NOPCHAP1: variants seen among roughly 807,000 people sequenced by gnomAD.
NOPCHAP1 encodes DNA damage-sensitive RNA 1.
A neutral mutation model predicts 14.0 loss-of-function variants in NOPCHAP1; 13 were observed. That is an observed-to-expected ratio of 0.93 (90% confidence interval 0.60 to 1.47). The LOEUF is 1.47. Ranked by LOEUF, NOPCHAP1 falls within the 40% of genes most tolerant of loss-of-function variation. The pLI is 0.00. For synonymous variants in NOPCHAP1, 78 were observed against 78.4 expected, an observed-to-expected ratio of 1.00 and a Z score of 0.03; for missense variants, 230 against 226.9, an observed-to-expected ratio of 1.01 and a Z score of -0.09.
In NOPCHAP1 at chr12:105,005,752, A is replaced by G. The variant is rs1045188194; in HGVS notation, c.*11056A>G. The stretch of plus-strand genomic sequence containing the variant: ...CTTAAGTTCCCTGCCTCCAGGCCCT[A>G]TTCTCCTGGCTCAGTTTCTCTAAAA... On this transcript the variant is annotated 3_prime_UTR_variant, in exon 4 of 4. Coordinates refer to ENST00000552951, the MANE Select transcript of NOPCHAP1 (RefSeq NM_152318.3). The G allele has an allele frequency of 6.6e-6, 1 of 152,210 alleles. No individual in the cohort carries two copies. The highest frequency in any genetic ancestry group is 2.4e-5 in the African/African-American group (1 of 41,442). The allele number at this position is 152,210 out of a possible 1,614,324, so 9.4% of individuals were successfully genotyped here.
intron 2 of NOPCHAP1, among the ~76,000 whole-genome samples, chr12:104,991,231 AAG>A (rs1873367228): frequency 1.3e-5 from 2 of 152,330 alleles, no homozygotes; most frequent in African/African-American, 4.8e-5. Flanking sequence ...AAGAGTGACT[AAG>A]AGTGACACAA....
In NOPCHAP1 at chr12:104,997,351, A is replaced by G. The variant is rs1033819112; in HGVS notation, c.*2655A>G. On this transcript the variant is annotated 3_prime_UTR_variant, in exon 4 of 4. Coordinates refer to ENST00000552951, the MANE Select transcript of NOPCHAP1 (RefSeq NM_152318.3). ...TATTTCTCCTTTGCTTATGAAGCTTAGTTTAGTCAGATATGAATTCTTGGT... is the reference window on the plus strand; with the variant it reads ...TATTTCTCCTTTGCTTATGAAGCTTGGTTTAGTCAGATATGAATTCTTGGT... 1 of 152,212 alleles carries G rather than the reference A, an allele frequency of 6.6e-6. No homozygotes were observed. Among genetic ancestry groups the G allele is most frequent in the Non-Finnish European group, 1.5e-5 (1 of 68,030 alleles). The allele number at this position is 152,212 out of a possible 1,614,324, so 9.4% of individuals were successfully genotyped here.
rs548130723 is a variant in NOPCHAP1, at chr12:105,009,763, T to G, written c.*15067T>G. ...TTGGTTCTGTTTATGTGATGGATTA[T>G]GTTTATTGATTTGTGTATGTTGAAC... On this transcript the variant is annotated 3_prime_UTR_variant, in exon 4 of 4. Transcript: ENST00000552951. 3.3e-5 allele frequency: 5 copies of G among 152,270 alleles called. No homozygotes were observed. The South Asian group carries it at 1.0e-3, about 32-fold the overall frequency. The allele number at this position is 152,270 out of a possible 1,614,324, so 9.4% of individuals were successfully genotyped here.
chr12:104,994,146 A>G (rs979032066), intron 3 of NOPCHAP1, among the ~76,000 whole-genome samples: 16 of 152,188 alleles, frequency 1.1e-4, no homozygotes, highest in African/African-American at 3.9e-4. Flanking sequence ...GGAGTTCAAG[A>G]CCAGCCTGGC....
chr12:104,993,476 A>G (rs953079163), intron 3 of NOPCHAP1, among the ~76,000 whole-genome samples: 2 of 152,096 alleles, frequency 1.3e-5, no homozygotes, highest in Non-Finnish European at 2.9e-5. Context: ...ATGTTGACCT[A>G]ATCTAGAGCA....
intron 3 of NOPCHAP1, among the ~76,000 whole-genome samples, chr12:104,993,156 C>T (rs1873420421): frequency 6.6e-6 from 1 of 152,140 alleles, no homozygotes; most frequent in Non-Finnish European, 1.5e-5. Context: ...CACAACCCTA[C>T]ATTATGCTTT....
At chr12:104,991,996 A>T in intron 3 of NOPCHAP1, 148 bp downstream of exon 3, 1 of 970,982 alleles carries the variant, frequency 1.0e-6, no homozygotes. Flanking sequence ...TCATTTTATG[A>T]TTTAGTCATT....
Position 104,995,585 on chromosome 12 carries a change from G to C in NOPCHAP1, c.*889G>C, listed in dbSNP as rs1440167796. ...CATAAAATAAGATTTTTCCCTATCT[G>C]TGCATTAGTTTTAAATTCCATATGA... On this transcript the variant is annotated 3_prime_UTR_variant, in exon 4 of 4. Transcript: ENST00000552951. The C allele has an allele frequency of 6.6e-6, 1 of 152,092 alleles. No individual in the cohort carries two copies. Among genetic ancestry groups the C allele is most frequent in the Non-Finnish European group, 1.5e-5 (1 of 68,026 alleles). 9.4% of individuals were successfully genotyped at this position (152,092 alleles called of 1,614,324 possible).
In NOPCHAP1 at chr12:105,001,591, C is replaced by G. The variant is rs1470454012; in HGVS notation, c.*6895C>G. The G allele has an allele frequency of 6.6e-6, 1 of 152,136 alleles. No individual in the cohort carries two copies. The highest frequency in any genetic ancestry group is 1.5e-5 in the Non-Finnish European group (1 of 68,012). 9.4% of individuals were successfully genotyped at this position (152,136 alleles called of 1,614,324 possible). On this transcript the variant is annotated 3_prime_UTR_variant, in exon 4 of 4. Coordinates refer to ENST00000552951, the MANE Select transcript of NOPCHAP1 (RefSeq NM_152318.3). ...AAGAGAATTTTATATGCCCTTTTGC[C>G]TTGGAGAGCAAGTCTTGCCCCAGCA... is the stretch of plus-strand genomic sequence containing the variant.
rs745923805 is a variant in NOPCHAP1, at chr12:105,003,907, T to A, written c.*9211T>A. 2 of 152,238 alleles carry A rather than the reference T, an allele frequency of 1.3e-5. No individual in the cohort carries two copies. Among genetic ancestry groups the A allele is most frequent in the Non-Finnish European group, 2.9e-5 (2 of 68,032 alleles). 9.4% of individuals were successfully genotyped at this position (152,238 alleles called of 1,614,324 possible). A position where few individuals can be genotyped will look rare whatever the true frequency, so the allele number is the denominator to read the frequency against. ...TGACTGGCTGAAGCTCACCTGTTTC[T>A]GTCTGGCTTAAACCTAGCTATTCGT... On this transcript the variant is annotated 3_prime_UTR_variant, in exon 4 of 4. Transcript: ENST00000552951.
intron 1 of NOPCHAP1, among the ~76,000 whole-genome samples, chr12:104,986,700 C>T (rs1015692900): frequency 5.9e-5 from 9 of 152,168 alleles, no homozygotes; most frequent in Admixed American, 5.9e-4. Context: ...TTCTTATATT[C>T]TGCAAGGTAG....
Position 105,015,752 on chromosome 12 carries a change from G to C in NOPCHAP1, c.*21056G>C, listed in dbSNP as rs1238836763. ...ATCAAATGTTTCAGGCATCCTCTGG[G>C]GGGTCTTGGAATGTATCCCCCATGG... On this transcript the variant is annotated 3_prime_UTR_variant, in exon 4 of 4. Coordinates refer to ENST00000552951, the MANE Select transcript of NOPCHAP1 (RefSeq NM_152318.3). The C allele has an allele frequency of 1.3e-5, 2 of 152,132 alleles. No homozygotes were observed. Among genetic ancestry groups the C allele is most frequent in the Non-Finnish European group, 2.9e-5 (2 of 68,026 alleles). The allele number at this position is 152,132 out of a possible 1,614,324, so 9.4% of individuals were successfully genotyped here.
intron 3 of NOPCHAP1, among the ~76,000 whole-genome samples, chr12:104,992,265 A>T (rs528369840): frequency 6.6e-6 from 1 of 152,300 alleles, no homozygotes; most frequent in East Asian, 1.9e-4. Flanking sequence ...TCCGTTTATA[A>T]TATCTGTGTC....
In NOPCHAP1 at chr12:105,011,986, A is replaced by G. The variant is rs947395636; in HGVS notation, c.*17290A>G. 1 of 152,002 alleles carries G rather than the reference A, an allele frequency of 6.6e-6. No homozygotes were observed. Among genetic ancestry groups the G allele is most frequent in the African/African-American group, 2.4e-5 (1 of 41,350 alleles). The allele number at this position is 152,002 out of a possible 1,614,324, so 9.4% of individuals were successfully genotyped here. ...ATGTGTCTTGGGGTTGCTCTTCTCG[A>G]GGAATATCTTCATGGTGTTCTCTGT... On this transcript the variant is annotated 3_prime_UTR_variant, in exon 4 of 4. Transcript: ENST00000552951.
intron 1 of NOPCHAP1, among the ~76,000 whole-genome samples, chr12:104,987,057 C>T (rs934293086): frequency 1.3e-5 from 2 of 152,170 alleles, no homozygotes; most frequent in East Asian, 3.9e-4. Context: ...CCCTAAGCCT[C>T]AGTTTTTGCA....
chr12:105,015,236 A>G lies in NOPCHAP1; in HGVS notation c.*20540A>G, dbSNP rs1435397755. On this transcript the variant is annotated 3_prime_UTR_variant, in exon 4 of 4. Transcript: ENST00000552951. ...TACACAGCCGTGATGAGTTATTGGC[A>G]TAGGTACTTATTTAAAGATTTTCTT... 2 of 152,214 alleles carry G rather than the reference A, an allele frequency of 1.3e-5. No homozygotes were observed. Among genetic ancestry groups the G allele is most frequent in the African/African-American group, 4.8e-5 (2 of 41,458 alleles). The allele number at this position is 152,214 out of a possible 1,614,324, so 9.4% of individuals were successfully genotyped here. A position where few individuals can be genotyped will look rare whatever the true frequency, so the allele number is the denominator to read the frequency against.
At position 105,012,833 on chromosome 12, in the gene NOPCHAP1, T is replaced by C. The variant is rs1873860158; in HGVS notation, c.*18137T>C. On this transcript the variant is annotated 3_prime_UTR_variant, in exon 4 of 4. Coordinates refer to ENST00000552951, the MANE Select transcript of NOPCHAP1 (RefSeq NM_152318.3). ...GCAGAGGCTGCAGAACAGCAAAAATTGCTGCCTGTTCCTTCCTCTGGAAGC... is the reference window on the plus strand; with the variant it reads ...GCAGAGGCTGCAGAACAGCAAAAATCGCTGCCTGTTCCTTCCTCTGGAAGC... 6.6e-6 allele frequency: 1 copy of C among 152,488 alleles called. No individual in the cohort carries two copies. The highest frequency in any genetic ancestry group is 2.4e-5 in the African/African-American group (1 of 41,438). The allele number at this position is 152,488 out of a possible 1,614,324, so 9.4% of individuals were successfully genotyped here.
At position 104,999,633 on chromosome 12, in the gene NOPCHAP1, G is replaced by A. The variant is rs1436568791; in HGVS notation, c.*4937G>A. The A allele has an allele frequency of 6.6e-6, 1 of 152,120 alleles. No homozygotes were observed. Among genetic ancestry groups the A allele is most frequent in the Non-Finnish European group, 1.5e-5 (1 of 68,112 alleles). The allele number at this position is 152,120 out of a possible 1,614,324, so 9.4% of individuals were successfully genotyped here. A position where few individuals can be genotyped will look rare whatever the true frequency, so the allele number is the denominator to read the frequency against. On this transcript the variant is annotated 3_prime_UTR_variant, in exon 4 of 4. Coordinates refer to ENST00000552951, the MANE Select transcript of NOPCHAP1 (RefSeq NM_152318.3). ...TCCCTGGCCATGATCCACTACAGAT[G>A]CTCCCGCACCAAAGCCTCTGGGCTC... is the stretch of plus-strand genomic sequence containing the variant.
rs889042865 is a variant in NOPCHAP1 at position 105,009,835 on chromosome 12, G to C, written c.*15139G>C. 4.6e-5 allele frequency: 7 copies of C among 152,164 alleles called. No homozygotes were observed. Among genetic ancestry groups the C allele is most frequent in the African/African-American group, 1.7e-4 (7 of 41,444 alleles). The allele number at this position is 152,164 out of a possible 1,614,324, so 9.4% of individuals were successfully genotyped here. ...AAGCTGACTTGATTGTGGTGGATAA[G>C]CTTTTTGATGTGCTGCTGGATTCAG... is the stretch of plus-strand genomic sequence containing the variant. On this transcript the variant is annotated 3_prime_UTR_variant, in exon 4 of 4. Transcript: ENST00000552951.
Sources: allele counts gnomAD v4.1 joint callset (sites outside exome capture counted in the v4.1 genomes callset), GRCh38; gene constraint gnomAD v4.1.1; transcripts MANE v1.5; gene names NCBI Gene and HGNC (gene_info 2026-07-23, HGNC 2026-07-21).